The following SPOCK1 variants were observed in gnomAD, a reference collection of about 807,000 sequenced individuals.
The protein encoded by SPOCK1 is testican-1.
A neutral mutation model predicts 55.3 loss-of-function variants in SPOCK1; 23 were observed. The ratio of observed to expected loss-of-function variants is 0.42; its 90% CI spans 0.30 to 0.59. SPOCK1 has a LOEUF of 0.59. Among genes scored for constraint, SPOCK1 ranks in the 20% least tolerant of loss-of-function variants. SPOCK1 has a pLI of 0.22. For missense variants in SPOCK1, 499 were observed against 552.5 expected (o/e 0.90, Z 0.97); for synonymous variants, 226 against 221.0 (o/e 1.02, Z -0.20).
intron 6 of SPOCK1, among the ~76,000 whole-genome samples, chr5:137,065,033 G>A (rs1423154321): frequency 6.6e-6 from 1 of 152,042 alleles, no homozygotes; most frequent in African/African-American, 2.4e-5. Flanking sequence ...TTCAAGACCA[G>A]CCTGAGCAAC....
At chr5:137,101,199 C>A (rs3948711) in intron 5 of SPOCK1, among the ~76,000 whole-genome samples, 86,976 of 152,112 alleles carry the variant, frequency 0.57, 26,652 homozygotes, top group East Asian at 0.77. Flanking sequence ...TCATGAACTT[C>A]ATTAAAGTTG....
chr5:137,413,061 G>A, intron 2 of SPOCK1, among the ~76,000 whole-genome samples: 1 of 152,014 alleles, frequency 6.6e-6, no homozygotes, highest in Non-Finnish European at 1.5e-5. Context: ...ATTTTTGGAG[G>A]TGCTGTATCA....
chr5:137,318,771 G>A (rs146422305), intron 2 of SPOCK1, among the ~76,000 whole-genome samples: 3 of 152,308 alleles, frequency 2.0e-5, no homozygotes, highest in Non-Finnish European at 2.9e-5. Context: ...GAGCATATAT[G>A]AGACAGCACA....
At chr5:137,264,193 CAA>C (rs1334540945) in intron 3 of SPOCK1, among the ~76,000 whole-genome samples, 1 of 152,026 alleles carries the variant, frequency 6.6e-6, no homozygotes, top group African/African-American at 2.4e-5. Context: ...AGAAGTTACC[CAA>C]GAGTCCTAGA....
chr5:137,023,302 T>C (rs1320190088), intron 6 of SPOCK1, among the ~76,000 whole-genome samples: 1 of 152,218 alleles, frequency 6.6e-6, no homozygotes, highest in Non-Finnish European at 1.5e-5. Context: ...AAGTGACTTA[T>C]TTTGGTAATG....
At chr5:137,291,189 T>A (rs1331766176) in intron 2 of SPOCK1, among the ~76,000 whole-genome samples, 1 of 152,136 alleles carries the variant, frequency 6.6e-6, no homozygotes, top group African/African-American at 2.4e-5. Flanking sequence ...AGCAGAAGCA[T>A]GCATGCCAGC....
chr5:137,137,163 C>A (rs1476898825), intron 4 of SPOCK1, among the ~76,000 whole-genome samples: 1 of 152,204 alleles, frequency 6.6e-6, no homozygotes, highest in East Asian at 1.9e-4. Flanking sequence ...AGTCTGGAGC[C>A]TCATAATCAG....
chr5:137,061,903 G>A (rs34900111), intron 6 of SPOCK1, among the ~76,000 whole-genome samples: 3,961 of 152,210 alleles, frequency 0.026, 85 homozygotes, highest in Non-Finnish European at 0.038. Flanking sequence ...ATACAGACCT[G>A]CCACCATCTT....
chr5:137,421,959 T>G (rs1377422670), intron 2 of SPOCK1, among the ~76,000 whole-genome samples: 7 of 152,246 alleles, frequency 4.6e-5, no homozygotes, highest in Non-Finnish European at 2.9e-5. Flanking sequence ...CCATGTTTAG[T>G]GCTTCCTTCA....
chr5:137,008,331 A>AC (rs760277889), intron 6 of SPOCK1, among the ~76,000 whole-genome samples: 50 of 74,664 alleles, frequency 6.7e-4, no homozygotes, highest in Admixed American at 2.3e-3. Flanking sequence ...CACACACACA[A>AC]TCAACACAGT....
intron 9 of SPOCK1, among the ~76,000 whole-genome samples, chr5:136,981,801 G>T (rs142731285): frequency 6.6e-6 from 1 of 152,132 alleles, no homozygotes; most frequent in South Asian, 2.1e-4. Context: ...TGAACTGTAG[G>T]TTTCAGGAAG....
chr5:137,141,737 T>C (rs1393171488), intron 3 of SPOCK1, among the ~76,000 whole-genome samples: 2 of 152,076 alleles, frequency 1.3e-5, no homozygotes, highest in Non-Finnish European at 1.5e-5. Context: ...CCAGTCAGAG[T>C]GAACCGGCAC....
intron 3 of SPOCK1, among the ~76,000 whole-genome samples, chr5:137,201,387 A>G (rs17171070): frequency 0.026 from 4,030 of 152,268 alleles, 202 homozygotes; most frequent in African/African-American, 0.091. Context: ...TTTCACAAAT[A>G]CCCATTCTCA....
In SPOCK1 at chr5:137,201,546, T is replaced by C. The variant is rs1251844725; in HGVS notation, c.233-60852A>G. 2.0e-5 allele frequency among the ~76,000 whole-genome samples: 3 copies of C among 152,230 alleles called. No homozygotes were observed. The South Asian group carries it at 6.2e-4, about 31-fold the overall frequency. On this transcript the variant is annotated intron_variant, in intron 3 of 10. Coordinates refer to ENST00000394945, the MANE Select transcript of SPOCK1 (RefSeq NM_004598.4). The stretch of plus-strand genomic sequence containing the variant: ...AATTTTAATATTCTCAATGCTAATA[T>C]AAACAGAACCTTATTAACTAAGTCC...
intron 6 of SPOCK1, among the ~76,000 whole-genome samples, chr5:137,010,748 C>T (rs534649327): frequency 2.0e-5 from 3 of 152,122 alleles, no homozygotes; most frequent in Non-Finnish European, 2.9e-5. Flanking sequence ...ACAGATATCA[C>T]GCCAACATCC....
At chr5:137,418,784 G>A (rs1410001670) in intron 2 of SPOCK1, among the ~76,000 whole-genome samples, 1 of 152,170 alleles carries the variant, frequency 6.6e-6, no homozygotes, top group African/African-American at 2.4e-5. Flanking sequence ...TAATTTTGCT[G>A]TGCAGAAGCT....
At chr5:137,300,208 C>A (rs1043166390) in intron 2 of SPOCK1, among the ~76,000 whole-genome samples, 1 of 152,126 alleles carries the variant, frequency 6.6e-6, no homozygotes, top group Admixed American at 6.5e-5. Context: ...ATTTTCATTT[C>A]AGATAGAATT....
chr5:137,171,433 A>G (rs984600520), intron 3 of SPOCK1, among the ~76,000 whole-genome samples: 1 of 152,138 alleles, frequency 6.6e-6, no homozygotes, highest in African/African-American at 2.4e-5. Context: ...AGTTTAACTG[A>G]GAAGCGACCT....
chr5:137,112,911 C>T (rs528559972), intron 4 of SPOCK1, among the ~76,000 whole-genome samples: 3 of 151,728 alleles, frequency 2.0e-5, no homozygotes, highest in East Asian at 3.9e-4. Context: ...TGGCATATCA[C>T]GGGTGCCCAG....
Sources: allele counts gnomAD v4.1 joint callset (sites outside exome capture counted in the v4.1 genomes callset), GRCh38; gene constraint gnomAD v4.1.1; transcripts MANE v1.5; gene names NCBI Gene and HGNC (gene_info 2026-07-23, HGNC 2026-07-21).